The following DPP9 variants were observed in gnomAD, a reference collection of about 807,000 sequenced individuals.
DPP9 encodes dipeptidyl peptidase 9, also known as dipeptidyl peptidase IV-related protein-2.
Under a neutral mutation model 110.7 loss-of-function variants are expected in DPP9, and 50 were observed. The observed-to-expected ratio is 0.45, with a 90% confidence interval of 0.36 to 0.57. DPP9 has a LOEUF of 0.57. Among genes scored for constraint, DPP9 ranks in the 20% least tolerant of loss-of-function variants. The pLI is 0.00. For missense variants in DPP9, 1,022 were observed against 1,217.9 expected (o/e 0.84, Z 2.39); for synonymous variants, 561 against 514.4 (o/e 1.09, Z -1.23).
In DPP9 at chr19:4,694,298, C is replaced by T. The variant is rs2091592800; in HGVS notation, c.1516+363G>A. 4 of 410,632 alleles carry T rather than the reference C, an allele frequency of 9.7e-6. No individual in the cohort carries two copies. Among genetic ancestry groups the T allele is most frequent in the Middle Eastern group, 6.2e-4 (1 of 1,622 alleles). 25.4% of individuals were successfully genotyped at this position (410,632 alleles called of 1,614,324 possible). ...CAGTTCTGCTGCTGCAGCACAAAAGCGACCACAGACAGTCTCTGTAAACAA... is the reference window on the plus strand; with the variant it reads ...CAGTTCTGCTGCTGCAGCACAAAAGTGACCACAGACAGTCTCTGTAAACAA... On this transcript the variant is annotated intron_variant, in intron 13 of 21. Transcript: ENST00000262960. This position sits in a 1 kb window ranked among gnomAD's most constrained non-coding sequence, Gnocchi z 4.0.
rs1165641044 is a variant in DPP9, at chr19:4,685,746, T to C, written c.1911A>G (p.Pro637=). The change falls in exon 17 of 22, where the codon CCA becomes CCG. Residue 637 remains proline, a synonymous_variant. Transcript: ENST00000262960. The surrounding 1 kb of genome is among the most constrained non-coding windows in gnomAD (Gnocchi z 5.8). ...AGCGCGTGTGGAAATGGAAGATCTC[T>C]GGAGGAACATAATCCGGGGGGCAGC... is the stretch of plus-strand genomic sequence containing the variant. ...AASCPPDYVP[P]EIFHFHTRSD... The C allele has an allele frequency of 1.9e-6, 3 of 1,613,294 alleles. No homozygotes were observed. The Admixed American group carries it at 5.0e-5, about 27-fold the overall frequency.
chr19:4,702,552 C>A, intron 8 of DPP9, 51 bp downstream of exon 8: 1 of 1,400,030 alleles, frequency 7.1e-7, no homozygotes, highest in Non-Finnish European at 9.9e-7. Flanking sequence ...GCCTGTGATT[C>A]CAGGAGGAAA....
intron 13 of DPP9, 124 bp from the exon 14 acceptor site, chr19:4,691,081 G>T: frequency 1.4e-6 from 1 of 712,358 alleles, no homozygotes; most frequent in Non-Finnish European, 2.4e-6. Context: ...GGCTTGCTGT[G>T]AACTCAGACG....
chr19:4,683,159 C>T (rs1468403274), intron 19 of DPP9: 2 of 1,427,582 alleles, frequency 1.4e-6, no homozygotes, highest in Non-Finnish European at 1.8e-6. Flanking sequence ...CGGCCTGGGG[C>T]CCCCCCGCCG....
Position 4,710,494 on chromosome 19 carries a change from G to A in DPP9, c.313+3587C>T, listed in dbSNP as rs921249750. ...GCCCCAGCCCATCTTCCCAGCAGCA[G>A]GAACCGCACGTTCCCCCGCTGCTCC... On this transcript the variant is annotated intron_variant, in intron 4 of 21. Transcript: ENST00000262960. This position sits in a 1 kb window ranked among gnomAD's most constrained non-coding sequence, Gnocchi z 5.6. Among the ~76,000 whole-genome samples the A allele has an allele frequency of 2.0e-5, 3 of 152,218 alleles. No homozygotes were observed. The highest frequency in any genetic ancestry group is 2.1e-4 in the South Asian group (1 of 4,832).
intron 3 of DPP9, chr19:4,715,501 G>A (rs1016088819): frequency 6.6e-6 from 1 of 152,190 alleles, no homozygotes. Flanking sequence ...CCCCATGTCT[G>A]TCCCATTCAC....
chr19:4,702,237 C>T, intron 8 of DPP9, 82 bp from the exon 9 acceptor site: 11 of 1,499,634 alleles, frequency 7.3e-6, no homozygotes, highest in South Asian at 2.6e-5. Flanking sequence ...CCTGCAGCAC[C>T]GGGGCCTGAA....
Position 4,689,787 on chromosome 19 carries a change from C to A in DPP9, c.1597-65G>T, listed in dbSNP as rs965108164. 1 of 1,480,396 alleles carries A rather than the reference C, an allele frequency of 6.8e-7. No individual in the cohort carries two copies. The highest frequency in any genetic ancestry group is 2.5e-5 in the East Asian group (1 of 39,702). The allele number at this position is 1,480,396 out of a possible 1,614,324, so 91.7% of individuals were successfully genotyped here. A position where few individuals can be genotyped will look rare whatever the true frequency, so the allele number is the denominator to read the frequency against. On this transcript the variant is annotated intron_variant, in intron 14 of 21. Transcript: ENST00000262960. The surrounding 1 kb of genome is among the most constrained non-coding windows in gnomAD (Gnocchi z 7.0). ...GCCCCTGGGCCCACACCCCTCTCCA[C>A]GCCCCACAGGAGTGGGCCCCATGTT...
At chr19:4,720,902 C>T (rs924942475) in intron 2 of DPP9, among the ~76,000 whole-genome samples, 1 of 152,196 alleles carries the variant, frequency 6.6e-6, no homozygotes, top group South Asian at 2.1e-4. Context: ...GAGGGGGACC[C>T]CCAGCTCCTG....
At position 4,683,553 on chromosome 19, in the gene DPP9, C is replaced by T. The variant is rs2090233405; in HGVS notation, c.2255G>A (p.Arg752Gln). The T allele has an allele frequency of 2.5e-6, 4 of 1,613,330 alleles. No homozygotes were observed. The highest frequency in any genetic ancestry group is 1.7e-5 in the Admixed American group (1 of 60,008). ...GTAGGACCAGCCATGGATGGCAACT[C>T]GGCTCAGGTCGATGAAGCCATACTT... is the stretch of plus-strand genomic sequence containing the variant. ...AEKYGFIDLS[R>Q]VAIHGWSYGG... Residue 752 changes from arginine (R) to glutamine (Q), a missense_variant, in exon 19 of 22, where the codon CGA becomes CAA. This residue lies in a region of DPP9 where 209 missense variants were observed against 280.4 expected (regional missense o/e 0.75). Coordinates refer to ENST00000262960, the MANE Select transcript of DPP9 (RefSeq NM_139159.5).
At chr19:4,691,262 C>T (rs1399270258) in intron 13 of DPP9, among the ~76,000 whole-genome samples, 3 of 151,944 alleles carry the variant, frequency 2.0e-5, no homozygotes, top group Admixed American at 1.3e-4. Context: ...TTGCTTGAGG[C>T]CAGGAGTTTG....
chr19:4,719,682 G>A (rs562871109), intron 3 of DPP9, 169 bp downstream of exon 3: 130 of 775,162 alleles, frequency 1.7e-4, no homozygotes, highest in Admixed American at 1.1e-3. Context: ...GGGAGACCCC[G>A]CACTACGCCA....
intron 2 of DPP9, chr19:4,722,259 C>T (rs2093355237): frequency 1.9e-6 from 1 of 524,638 alleles, no homozygotes; most frequent in Admixed American, 3.4e-5. Flanking sequence ...TCAGCACTCT[C>T]CCCTTCCTCT....
chr19:4,703,935 C>T lies in DPP9; in HGVS notation c.720G>A (p.Val240=). ...FSFINNSDLW[V]ANIETGEERR... ...GCTCCTCGCCTGTCTCGATGTTGGC[C>T]ACCCACAGGTCGCTGTTATTGATGA... The change falls in exon 7 of 22, where the codon GTG becomes GTA. Residue 240 remains valine (V), a synonymous_variant. Transcript: ENST00000262960. The T allele has an allele frequency of 6.2e-7, 1 of 1,613,330 alleles. No homozygotes were observed. Among genetic ancestry groups the T allele is most frequent in the Non-Finnish European group, 8.5e-7 (1 of 1,179,614 alleles).
Position 4,693,010 on chromosome 19 carries a change from G to A in DPP9, c.1516+1651C>T, listed in dbSNP as rs541967486. Among the ~76,000 whole-genome samples, 11 of 152,222 alleles carry A rather than the reference G, an allele frequency of 7.2e-5. No individual in the cohort carries two copies. The highest frequency in any genetic ancestry group is 1.9e-4 in the East Asian group (1 of 5,178). ...TTCGCCCTTCAGCTCCTGCAGTCCCGGATGCCTCGCTCCCTGGGGTCTCTG... is the reference window on the plus strand; with the variant it reads ...TTCGCCCTTCAGCTCCTGCAGTCCCAGATGCCTCGCTCCCTGGGGTCTCTG... On this transcript the variant is annotated intron_variant, in intron 13 of 21. Coordinates refer to ENST00000262960, the MANE Select transcript of DPP9 (RefSeq NM_139159.5). This position sits in a 1 kb window ranked among gnomAD's most constrained non-coding sequence, Gnocchi z 5.0.
chr19:4,685,865 A>ACCAAAGCACCCCCTCTTTT lies in DPP9; in HGVS notation c.1886-113_1886-95dup. The ACCAAAGCACCCCCTCTTTT allele has an allele frequency of 7.1e-7, 1 of 1,417,442 alleles. No individual in the cohort carries two copies. The highest frequency in any genetic ancestry group is 9.5e-7 in the Non-Finnish European group (1 of 1,048,604). 87.8% of individuals were successfully genotyped at this position (1,417,442 alleles called of 1,614,324 possible). ...GCCCACCCCAAGCCTTGGAGGGTGG[A>ACCAAAGCACCCCCTCTTTT]CCAAAGCACCCCCTCTTTTCCTGGG... On this transcript the variant is annotated intron_variant, in intron 16 of 21. Transcript: ENST00000262960. This position sits in a 1 kb window ranked among gnomAD's most constrained non-coding sequence, Gnocchi z 5.8.
Position 4,685,715 on chromosome 19 carries a change from C to T in DPP9, c.1942G>A (p.Val648Met), listed in dbSNP as rs756529753. Residue 648 changes from valine to methionine, a missense_variant, in exon 17 of 22, where the codon GTG (valine) becomes ATG (methionine). This residue lies in a region of DPP9 where 810 missense variants were observed against 920.6 expected (regional missense o/e 0.88). Coordinates refer to ENST00000262960, the MANE Select transcript of DPP9 (RefSeq NM_139159.5). This position sits in a 1 kb window ranked among gnomAD's most constrained non-coding sequence, Gnocchi z 5.8. Reference sequence around the variant, plus strand: ...TTGTAGATCATGCCGTAGAGCCGCACATCCGAGCGCGTGTGGAAATGGAAG... The same window carrying T: ...TTGTAGATCATGCCGTAGAGCCGCATATCCGAGCGCGTGTGGAAATGGAAG... Reference protein sequence around the residue: ...EIFHFHTRSDVRLYGMIYKPH... With the variant: ...EIFHFHTRSDMRLYGMIYKPH... The T allele has an allele frequency of 1.2e-6, 2 of 1,613,460 alleles. No homozygotes were observed. Among genetic ancestry groups the T allele is most frequent in the Admixed American group, 1.7e-5 (1 of 59,984 alleles).
chr19:4,715,604 G>A (rs1004751942), intron 3 of DPP9: 3 of 152,124 alleles, frequency 2.0e-5, no homozygotes, highest in Non-Finnish European at 4.4e-5. Context: ...GGCTCGCGGG[G>A]AGACATGCTG....
rs765547974 is a variant in DPP9 at position 4,688,809 on chromosome 19, G to A, written c.1833C>T (p.Asp611=). 9 of 1,486,868 alleles carry A rather than the reference G, an allele frequency of 6.1e-6. No individual in the cohort carries two copies. The highest frequency in any genetic ancestry group is 8.0e-6 in the Non-Finnish European group (9 of 1,126,514). The allele number at this position is 1,486,868 out of a possible 1,614,324, so 92.1% of individuals were successfully genotyped here. A position where few individuals can be genotyped will look rare whatever the true frequency, so the allele number is the denominator to read the frequency against. ...AGCGGGGCTGCTTGTGCAGGGGGTCGTCGTCGGGGCCGCTCAGCTTGTAGA... is the reference window on the plus strand; with the variant it reads ...AGCGGGGCTGCTTGTGCAGGGGGTCATCGTCGGGGCCGCTCAGCTTGTAGA... ...VHVYKLSGPD[D]DPLHKQPRFW... Residue 611 remains aspartate, a synonymous_variant, in exon 16 of 22, where the codon GAC becomes GAT. Transcript: ENST00000262960.
Sources: allele counts gnomAD v4.1 joint callset (sites outside exome capture counted in the v4.1 genomes callset), GRCh38; gene constraint gnomAD v4.1.1; regional missense constraint gnomAD v4.1.1; non-coding constraint Gnocchi (gnomAD v3.1); transcripts MANE v1.5; gene names NCBI Gene and HGNC (gene_info 2026-07-23, HGNC 2026-07-21).